Variants in EDIL3 observed in about 807,000 individuals in gnomAD.
EDIL3 encodes EGF-like repeat and discoidin I-like domain-containing protein 3.
A neutral mutation model predicts 67.4 loss-of-function variants in EDIL3; 37 were observed. The ratio of observed to expected loss-of-function variants is 0.55; its 90% CI spans 0.42 to 0.72. The LOEUF (loss-of-function observed/expected upper bound fraction) is 0.72. Among genes scored for constraint, EDIL3 ranks in the 30% least tolerant of loss-of-function variants. EDIL3 has a pLI of 0.00. For missense variants in EDIL3, 527 were observed against 586.3 expected, an observed-to-expected ratio of 0.90 and a Z score of 1.04; for synonymous variants, 195 against 196.3, an observed-to-expected ratio of 0.99 and a Z score of 0.05.
intron 9 of EDIL3, among the ~76,000 whole-genome samples, chr5:83,972,829 T>C (rs567886564): frequency 1.6e-4 from 24 of 152,204 alleles, no homozygotes; most frequent in Non-Finnish European, 2.9e-4. Flanking sequence ...TCATGACATA[T>C]TTTTTAAAAC....
At chr5:84,308,648 TAAAAC>T (rs1746320131) in intron 1 of EDIL3, among the ~76,000 whole-genome samples, 1 of 151,970 alleles carries the variant, frequency 6.6e-6, no homozygotes, top group African/African-American at 2.4e-5. Context: ...AATATTAAAA[TAAAAC>T]AGACAGTAAA....
chr5:84,368,529 A>C (rs1471447746), intron 1 of EDIL3, among the ~76,000 whole-genome samples: 4 of 152,194 alleles, frequency 2.6e-5, no homozygotes, highest in African/African-American at 9.7e-5. Flanking sequence ...AAACTCTGAG[A>C]AGACAAAATA....
intron 4 of EDIL3, among the ~76,000 whole-genome samples, chr5:84,141,920 T>TATACACATATATATATATATATATATAC (rs1748198161): frequency 2.0e-5 from 2 of 99,366 alleles, no homozygotes; most frequent in Non-Finnish European, 3.8e-5. Context: ...TATATATATA[T>TATACACATATATATATATATATATATAC]ATACACATAT....
chr5:84,091,153 A>G (rs148584556), intron 6 of EDIL3, among the ~76,000 whole-genome samples: 64 of 152,258 alleles, frequency 4.2e-4, no homozygotes, highest in African/African-American at 1.5e-3. Context: ...CCCTCACACT[A>G]GCTGCCTGGG....
At chr5:84,001,145 C>T (rs1344168701) in intron 9 of EDIL3, among the ~76,000 whole-genome samples, 4 of 152,120 alleles carry the variant, frequency 2.6e-5, no homozygotes, top group Non-Finnish European at 5.9e-5. Flanking sequence ...CTCCCAGGTT[C>T]AAGCAATTCT....
intron 6 of EDIL3, among the ~76,000 whole-genome samples, chr5:84,074,791 C>T (rs1746819274): frequency 6.6e-6 from 1 of 152,082 alleles, no homozygotes; most frequent in African/African-American, 2.4e-5. Flanking sequence ...GTCAGTGTGG[C>T]GATTCCTCAG....
intron 5 of EDIL3, among the ~76,000 whole-genome samples, chr5:84,124,542 A>T (rs1464543616): frequency 6.6e-6 from 1 of 151,948 alleles, no homozygotes; most frequent in Non-Finnish European, 1.5e-5. Context: ...AGTGGCACAG[A>T]GATGCCCACT....
At chr5:83,969,954 G>T (rs1296106702) in intron 9 of EDIL3, among the ~76,000 whole-genome samples, 1 of 151,302 alleles carries the variant, frequency 6.6e-6, no homozygotes, top group Non-Finnish European at 1.5e-5. Context: ...GTCAACTATA[G>T]TCATCTGACA....
At chr5:84,016,797 T>C (rs892521326) in intron 9 of EDIL3, among the ~76,000 whole-genome samples, 1 of 152,190 alleles carries the variant, frequency 6.6e-6, no homozygotes, top group Non-Finnish European at 1.5e-5. Context: ...GAAACACTCC[T>C]GGTTCCAAGT....
At chr5:84,086,381 CG>C (rs1348119816) in intron 6 of EDIL3, among the ~76,000 whole-genome samples, 1 of 152,170 alleles carries the variant, frequency 6.6e-6, no homozygotes, top group Non-Finnish European at 1.5e-5. Flanking sequence ...CAGTCCTTCA[CG>C]GCTTCCCTTG....
intron 1 of EDIL3, among the ~76,000 whole-genome samples, chr5:84,274,794 G>GAC (rs35380260): frequency 0.58 from 87,882 of 150,446 alleles, 25,750 homozygotes; most frequent in East Asian, 0.81. Flanking sequence ...GACACACACA[G>GAC]ACACACACAC....
intron 1 of EDIL3, among the ~76,000 whole-genome samples, chr5:84,345,200 T>C (rs1747213508): frequency 1.3e-5 from 2 of 152,122 alleles, no homozygotes; most frequent in Non-Finnish European, 2.9e-5. Context: ...TATTATCAGG[T>C]AACCTATGTC....
chr5:84,340,663 T>A (rs1322383700), intron 1 of EDIL3, among the ~76,000 whole-genome samples: 1 of 150,942 alleles, frequency 6.6e-6, no homozygotes, highest in Non-Finnish European at 1.5e-5. Flanking sequence ...GATTCCACTT[T>A]AATAGCATGC....
At chr5:84,053,049 C>T (rs1174303071) in intron 9 of EDIL3, among the ~76,000 whole-genome samples, 2 of 152,078 alleles carry the variant, frequency 1.3e-5, no homozygotes, top group Admixed American at 6.6e-5. Context: ...ATTGACCACA[C>T]AGTTGGAAGT....
At chr5:84,013,353 T>A (rs370744602) in intron 9 of EDIL3, among the ~76,000 whole-genome samples, 50 of 152,246 alleles carry the variant, frequency 3.3e-4, no homozygotes, top group African/African-American at 1.2e-3. Context: ...ATGTAATAAA[T>A]GTCATTTGTA....
chr5:84,252,219 C>T (rs1276706064), intron 2 of EDIL3, among the ~76,000 whole-genome samples: 1 of 151,972 alleles, frequency 6.6e-6, no homozygotes, highest in South Asian at 2.1e-4. Flanking sequence ...TGGCCGGGCG[C>T]GGTCGCTCAC....
chr5:84,293,459 A>G (rs1745967860), intron 1 of EDIL3, among the ~76,000 whole-genome samples: 1 of 150,656 alleles, frequency 6.6e-6, no homozygotes, highest in South Asian at 2.1e-4. Context: ...ACTGTGCTAC[A>G]GCTTAACCTG....
chr5:84,237,096 A>G (rs1176910430), intron 2 of EDIL3, among the ~76,000 whole-genome samples: 1 of 152,036 alleles, frequency 6.6e-6, no homozygotes, highest in African/African-American at 2.4e-5. Context: ...ATTTTGTTTC[A>G]TAGCACCTGA....
At chr5:84,037,706 A>AT (rs1012530696) in intron 9 of EDIL3, among the ~76,000 whole-genome samples, 10 of 152,198 alleles carry the variant, frequency 6.6e-5, no homozygotes, top group Non-Finnish European at 1.2e-4. Context: ...TTCCTGTTGC[A>AT]TTTTTTCCCC....
Sources: gnomAD v4.1 joint callset for allele counts (sites outside exome capture counted in the v4.1 genomes callset) on GRCh38, gnomAD v4.1.1 for gene constraint, MANE v1.5 for transcripts, NCBI Gene and HGNC (gene_info 2026-07-23, HGNC 2026-07-21) for gene names.